Variants in LRRC53 observed in about 807,000 individuals in gnomAD.
The protein encoded by LRRC53 is leucine-rich repeat-containing protein 53.
In LRRC53, 25 loss-of-function variants were observed where a neutral mutation model predicts 13.6. The observed-to-expected ratio is 1.83, with a 90% confidence interval of 1.34 to 2.56. The LOEUF (loss-of-function observed/expected upper bound fraction) is 2.56, where lower values mean the gene tolerates loss of function less well. LRRC53 is among the 30% of genes most tolerant of loss of function. The pLI is 0.00. For synonymous variants in LRRC53, 204 were observed against 109.8 expected (o/e 1.86, Z -5.37); for missense variants, 527 against 275.8 (o/e 1.91, Z -6.45).
chr1:74,514,122 C>T (rs762514712), upstream of LRRC53, among the ~76,000 whole-genome samples: 12 of 152,136 alleles, frequency 7.9e-5, no homozygotes, highest in Admixed American at 2.6e-4. Context: ...TAGAAGCTTC[C>T]TTTATGAATC....
chr1:74,504,795 T>C (rs1669807996), intron 1 of LRRC53, among the ~76,000 whole-genome samples: 1 of 152,120 alleles, frequency 6.6e-6, no homozygotes. Flanking sequence ...TTTCGTGTTC[T>C]TTTCTATCCG....
At chr1:74,521,522 A>G in the LRRC53 span, among the ~76,000 whole-genome samples, 6 of 152,128 alleles carry the variant, frequency 3.9e-5, no homozygotes, top group Non-Finnish European at 5.9e-5. Flanking sequence ...ATGTGTATAT[A>G]TATATATACA....
the LRRC53 span, among the ~76,000 whole-genome samples, chr1:74,535,119 A>G: frequency 6.6e-6 from 1 of 152,124 alleles, no homozygotes; most frequent in African/African-American, 2.4e-5. Flanking sequence ...GGACTGTGTA[A>G]TTTCACTCTG....
At chr1:74,481,540 T>C (rs1668502772) in intron 2 of LRRC53, among the ~76,000 whole-genome samples, 1 of 152,216 alleles carries the variant, frequency 6.6e-6, no homozygotes, top group Non-Finnish European at 1.5e-5. Context: ...AGGATATATA[T>C]TCAATCCAGA....
At chr1:74,503,652 T>G (rs1420424024) in intron 1 of LRRC53, among the ~76,000 whole-genome samples, 2 of 152,200 alleles carry the variant, frequency 1.3e-5, no homozygotes, top group Non-Finnish European at 2.9e-5. Context: ...TGAACGTCAG[T>G]TATCAAGCTC....
At chr1:74,484,395 G>A (rs528376560) in intron 1 of LRRC53, among the ~76,000 whole-genome samples, 113 of 152,180 alleles carry the variant, frequency 7.4e-4, no homozygotes, top group African/African-American at 2.6e-3. Context: ...ATAGAGCAGG[G>A]GCTGACAAGC....
chr1:74,474,111 GA>G, intron 4 of LRRC53, among the ~76,000 whole-genome samples: 1 of 152,258 alleles, frequency 6.6e-6, no homozygotes, highest in South Asian at 2.1e-4. Flanking sequence ...TTCTCAGTGT[GA>G]AAACAACAGA....
the LRRC53 span, among the ~76,000 whole-genome samples, chr1:74,525,000 TAGTA>T: frequency 6.6e-6 from 1 of 152,186 alleles, no homozygotes; most frequent in Non-Finnish European, 1.5e-5. Context: ...TTCAATTATA[TAGTA>T]AGTATTTTAC....
chr1:74,530,676 A>G, the LRRC53 span, among the ~76,000 whole-genome samples: 3 of 151,920 alleles, frequency 2.0e-5, no homozygotes, highest in African/African-American at 7.3e-5. Flanking sequence ...AAAATGAGGA[A>G]GTGAGGAGTG....
At chr1:74,488,023 G>T (rs898444721) in intron 1 of LRRC53, among the ~76,000 whole-genome samples, 4 of 152,152 alleles carry the variant, frequency 2.6e-5, no homozygotes, top group African/African-American at 9.7e-5. Context: ...TTGGAGAAGA[G>T]TAGGCAAAGG....
upstream of LRRC53, among the ~76,000 whole-genome samples, chr1:74,516,744 T>C (rs1180007277): frequency 2.0e-5 from 3 of 152,144 alleles, no homozygotes; most frequent in African/African-American, 7.2e-5. Flanking sequence ...GCATTATTTC[T>C]CCAGTAGTAA....
At chr1:74,510,766 T>A (rs1670148139) in intron 1 of LRRC53, among the ~76,000 whole-genome samples, 1 of 152,230 alleles carries the variant, frequency 6.6e-6, no homozygotes. Flanking sequence ...ATCAACTAGC[T>A]CACAAATGTG....
At chr1:74,473,856 C>T (rs1668057390) in intron 4 of LRRC53, among the ~76,000 whole-genome samples, 1 of 152,172 alleles carries the variant, frequency 6.6e-6, no homozygotes, top group Non-Finnish European at 1.5e-5. Flanking sequence ...CAAAGATAAA[C>T]ATTAAGAACT....
chr1:74,472,331 T>A lies in LRRC53; in HGVS notation c.1421-130A>T, dbSNP rs951726455. ...ATAATTGCAGTTCTTCACTATTTCC[T>A]AATTTGTAACCAAACCTACAAAGGA... On this transcript the variant is annotated intron_variant, in intron 4 of 4. Coordinates refer to ENST00000294635, the MANE Select transcript of LRRC53 (RefSeq NM_001382280.1). The A allele has an allele frequency of 5.0e-6, 3 of 594,760 alleles. No individual in the cohort carries two copies. The African/African-American group carries it at 5.6e-5, about 11-fold the overall frequency. The allele number at this position is 594,760 out of a possible 1,614,324, so 36.8% of individuals were successfully genotyped here. A position where few individuals can be genotyped will look rare whatever the true frequency, so the allele number is the denominator to read the frequency against.
At chr1:74,488,238 A>G (rs1668867871) in intron 1 of LRRC53, among the ~76,000 whole-genome samples, 1 of 152,160 alleles carries the variant, frequency 6.6e-6, no homozygotes, top group Non-Finnish European at 1.5e-5. Flanking sequence ...AGGAAGACAC[A>G]GGGTTTTGCT....
intron 1 of LRRC53, among the ~76,000 whole-genome samples, chr1:74,501,397 T>G (rs1178659039): frequency 6.6e-6 from 1 of 152,254 alleles, no homozygotes; most frequent in Non-Finnish European, 1.5e-5. Context: ...CTTTTATTTC[T>G]TCAAACGAAT....
Position 74,470,925 on chromosome 1 carries a change from T to C in LRRC53, c.2697A>G (p.Gln899=). The change falls in exon 5 of 5, where the codon CAA becomes CAG. Residue 899 remains glutamine, a synonymous_variant. Transcript: ENST00000294635. ...TGTGCTCAGTGGACTCCGTTGTCCC[T>C]TGGTCAGTAGCCCTCCTGGAATGTT... ...PFQHSRRATD[Q]GTTESTEHMG... The C allele has an allele frequency of 2.5e-6, 1 of 400,758 alleles. No homozygotes were observed. Among genetic ancestry groups the C allele is most frequent in the African/African-American group, 2.0e-5 (1 of 48,844 alleles). 24.8% of individuals were successfully genotyped at this position (400,758 alleles called of 1,614,324 possible).
At chr1:74,489,509 A>T (rs976593439) in intron 1 of LRRC53, among the ~76,000 whole-genome samples, 8 of 152,254 alleles carry the variant, frequency 5.3e-5, no homozygotes, top group African/African-American at 1.7e-4. Context: ...CAGCTTAAAA[A>T]TTGATAAGTA....
the LRRC53 span, among the ~76,000 whole-genome samples, chr1:74,535,916 G>T: frequency 1.2e-3 from 190 of 152,226 alleles, no homozygotes; most frequent in African/African-American, 4.4e-3. Context: ...CCAGCTGTAT[G>T]TTCTAGCCTA....
Sources: allele counts gnomAD v4.1 joint callset (sites outside exome capture counted in the v4.1 genomes callset), GRCh38; gene constraint gnomAD v4.1.1; transcripts MANE v1.5; gene names NCBI Gene and HGNC (gene_info 2026-07-23, HGNC 2026-07-21).